The following SCN7A variants were observed in gnomAD, a reference collection of about 807,000 sequenced individuals.
The protein encoded by SCN7A is sodium channel protein type 7 subunit alpha.
In SCN7A, 138 loss-of-function variants were observed where a neutral mutation model predicts 155.2. The observed-to-expected ratio is 0.89, with a 90% CI of 0.77 to 1.02. The LOEUF is 1.02. Ranked by LOEUF, SCN7A falls within the 50% of genes least tolerant of loss-of-function variation. The pLI is 0.00. For synonymous variants in SCN7A, 693 were observed against 649.0 expected (o/e 1.07, Z -1.03); for missense variants, 2,058 against 1,986.6 (o/e 1.04, Z -0.68).
intron 15 of SCN7A, chr2:166,441,177 T>C (rs1701951649): frequency 4.4e-6 from 2 of 450,388 alleles, no homozygotes; most frequent in Non-Finnish European, 3.9e-6. Flanking sequence ...CACATCATTT[T>C]TTGTGTAAGA....
At chr2:166,420,421 T>C (rs1365789529) in intron 20 of SCN7A, among the ~76,000 whole-genome samples, 2 of 152,038 alleles carry the variant, frequency 1.3e-5, no homozygotes, top group African/African-American at 4.8e-5. Flanking sequence ...ATAAATGTAT[T>C]ATAAAATAAA....
At chr2:166,414,592 C>T (rs1380882077) in intron 21 of SCN7A, 2 of 142,682 alleles carry the variant, frequency 1.4e-5, no homozygotes, top group African/African-American at 5.2e-5. Flanking sequence ...AAAAAAAGAA[C>T]CATTTGGGTA....
intron 19 of SCN7A, among the ~76,000 whole-genome samples, chr2:166,421,820 C>T (rs1414280292): frequency 6.6e-6 from 1 of 151,872 alleles, no homozygotes; most frequent in East Asian, 1.9e-4. Context: ...AAAAGTATAA[C>T]CAGATACTAA....
chr2:166,469,912 T>C (rs547780590), intron 7 of SCN7A, among the ~76,000 whole-genome samples: 1 of 152,034 alleles, frequency 6.6e-6, no homozygotes, highest in South Asian at 2.1e-4. Context: ...GTAGGCTTTG[T>C]TTTTGCTTTT....
chr2:166,483,437 C>T (rs1190268344), intron 2 of SCN7A, among the ~76,000 whole-genome samples: 1 of 151,806 alleles, frequency 6.6e-6, no homozygotes, highest in Non-Finnish European at 1.5e-5. Flanking sequence ...GTTTTGTGTA[C>T]ATATTATGTT....
chr2:166,416,744 T>C lies in SCN7A; in HGVS notation c.3377A>G (p.Asp1126Gly). ...AGAAAGGAAACCATTTCCAACATTA[T>C]CAAAGTTCATTTTTGCATTTTCCCA... The part of the protein sequence containing the change: ...MLWENAKMNF[D>G]NVGNGFLSLL... Residue 1126 changes from aspartate (D) to glycine (G), a missense_variant, in exon 21 of 26, where the codon GAT becomes GGT. Physicochemically the swap from Asp to Gly is moderately conservative, Grantham distance 94 (BLOSUM62 -1). Coordinates refer to ENST00000643258, the MANE Select transcript of SCN7A (RefSeq NM_002976.4). The C allele has an allele frequency of 6.2e-7, 1 of 1,611,200 alleles. No homozygotes were observed. The highest frequency in any genetic ancestry group is 1.1e-5 in the South Asian group (1 of 90,530).
chr2:166,447,423 C>T (rs919180939), intron 12 of SCN7A, among the ~76,000 whole-genome samples, 189 bp downstream of exon 12: 10 of 152,126 alleles, frequency 6.6e-5, no homozygotes, highest in Non-Finnish European at 7.4e-5. Flanking sequence ...ACTCTTTGGT[C>T]ACTCTTTCCA....
intron 9 of SCN7A, among the ~76,000 whole-genome samples, chr2:166,463,578 C>T (rs1337531035): frequency 1.3e-5 from 2 of 152,136 alleles, no homozygotes; most frequent in East Asian, 3.9e-4. Context: ...CCATTGTATC[C>T]TGAATATCCA....
chr2:166,485,023 G>A (rs1474053412), intron 2 of SCN7A, among the ~76,000 whole-genome samples: 3 of 151,948 alleles, frequency 2.0e-5, no homozygotes, highest in Non-Finnish European at 4.4e-5. Flanking sequence ...AAATAAAAAT[G>A]GAAGTCTATT....
Position 166,432,702 on chromosome 2 carries a change from A to G in SCN7A, c.2208T>C (p.Asp736=). The change falls in exon 16 of 26, where the codon GAT becomes GAC. Residue 736 remains aspartate (D), a synonymous_variant. Transcript: ENST00000643258. ...ALVSSFSSCK[D]VTAEENNEAK... ...CTTCATTATTCTCTTCAGCTGTTACATCCTTGCATGAACTAAATGAGCTCA... is the reference window on the plus strand; with the variant it reads ...CTTCATTATTCTCTTCAGCTGTTACGTCCTTGCATGAACTAAATGAGCTCA... The G allele has an allele frequency of 6.3e-7, 1 of 1,586,744 alleles. No individual in the cohort carries two copies. The highest frequency in any genetic ancestry group is 1.8e-5 in the Admixed American group (1 of 55,268).
At chr2:166,426,495 A>G (rs1288686974) in intron 18 of SCN7A, among the ~76,000 whole-genome samples, 1 of 152,030 alleles carries the variant, frequency 6.6e-6, no homozygotes, top group Non-Finnish European at 1.5e-5. Context: ...TTAATTTTTG[A>G]TTTCTTGTAC....
At chr2:166,464,730 T>C (rs760403561) in intron 9 of SCN7A, among the ~76,000 whole-genome samples, 4 of 152,126 alleles carry the variant, frequency 2.6e-5, no homozygotes, top group Admixed American at 1.3e-4. Flanking sequence ...GCGGCTCCCA[T>C]CAGCCTATCC....
chr2:166,491,070 C>T (rs1345475835), intron 1 of SCN7A, among the ~76,000 whole-genome samples: 1 of 152,150 alleles, frequency 6.6e-6, no homozygotes, highest in Non-Finnish European at 1.5e-5. Context: ...AGAGAGTGAG[C>T]AGCTGGTGGA....
intron 7 of SCN7A, among the ~76,000 whole-genome samples, chr2:166,467,108 T>C (rs1400741490): frequency 6.6e-6 from 1 of 151,918 alleles, no homozygotes; most frequent in Non-Finnish European, 1.5e-5. Context: ...ATACTAGATA[T>C]ATAATAGAAC....
chr2:166,470,878 C>T (rs533182575), intron 6 of SCN7A, among the ~76,000 whole-genome samples, 172 bp from the exon 7 acceptor site: 61 of 151,778 alleles, frequency 4.0e-4, no homozygotes, highest in Non-Finnish European at 7.5e-4. Context: ...ACAAAGATTG[C>T]TACAGTGGAA....
At chr2:166,432,083 C>A (rs549426054) in intron 16 of SCN7A, among the ~76,000 whole-genome samples, 1 of 151,996 alleles carries the variant, frequency 6.6e-6, no homozygotes, top group Admixed American at 6.6e-5. Flanking sequence ...TTACCTCCCC[C>A]CCTCCATGGA....
intron 10 of SCN7A, 61 bp downstream of exon 10, chr2:166,462,328 A>T: frequency 1.4e-6 from 2 of 1,479,666 alleles, no homozygotes; most frequent in South Asian, 2.7e-5. Context: ...TTTGACCATT[A>T]TCTTAGAAGC....
chr2:166,479,115 T>C (rs1418017578), intron 2 of SCN7A, among the ~76,000 whole-genome samples: 2 of 152,120 alleles, frequency 1.3e-5, no homozygotes, highest in African/African-American at 2.4e-5. Context: ...TCTCTCACAA[T>C]GCTGGCACTA....
At chr2:166,467,910 A>G (rs1359354328) in intron 7 of SCN7A, among the ~76,000 whole-genome samples, 1 of 151,600 alleles carries the variant, frequency 6.6e-6, no homozygotes, top group Non-Finnish European at 1.5e-5. Flanking sequence ...TTTTATTTCT[A>G]TATTCTCCTT....
Sources: gnomAD v4.1 joint callset for allele counts (sites outside exome capture counted in the v4.1 genomes callset) on GRCh38, gnomAD v4.1.1 for gene constraint, MANE v1.5 for transcripts, NCBI Gene and HGNC (gene_info 2026-07-23, HGNC 2026-07-21) for gene names.